Variants in SLC37A1 observed in about 807,000 individuals in gnomAD.
SLC37A1 encodes glucose-6-phosphate exchanger SLC37A1.
Under a neutral mutation model 75.3 loss-of-function variants are expected in SLC37A1, and 49 were observed. The observed-to-expected ratio is 0.65, with a 90% CI of 0.52 to 0.83. SLC37A1 has a LOEUF of 0.83. Among genes scored for constraint, SLC37A1 ranks in the 40% least tolerant of loss-of-function variants. The pLI, the probability that SLC37A1 is intolerant of heterozygous loss-of-function variation, is 0.00. For synonymous variants in SLC37A1, 268 were observed against 292.1 expected, an observed-to-expected ratio of 0.92 and a Z score of 0.84; for missense variants, 566 against 695.0, an observed-to-expected ratio of 0.81 and a Z score of 2.09.
chr21:42,570,811 A>T (rs2056141414), intron 17 of SLC37A1, among the ~76,000 whole-genome samples: 1 of 152,192 alleles, frequency 6.6e-6, no homozygotes, highest in Non-Finnish European at 1.5e-5. Context: ...GCGTCTGTGA[A>T]CAGAGGCCAC....
At chr21:42,542,354 TC>T in intron 6 of SLC37A1, 49 bp from the exon 7 acceptor site, 3 of 1,574,192 alleles carry the variant, frequency 1.9e-6, no homozygotes, top group South Asian at 2.3e-5. Flanking sequence ...TGCAGCGCTG[TC>T]CCGGGCCTGC....
intron 2 of SLC37A1, among the ~76,000 whole-genome samples, chr21:42,519,816 A>G (rs949704760): frequency 2.0e-5 from 3 of 152,236 alleles, no homozygotes; most frequent in Admixed American, 2.0e-4. Context: ...GTGAATGTCT[A>G]GCTTCTTCAT....
At chr21:42,563,105 G>T (rs991704520) in intron 12 of SLC37A1, among the ~76,000 whole-genome samples, 2 of 152,114 alleles carry the variant, frequency 1.3e-5, no homozygotes, top group Non-Finnish European at 2.9e-5. Context: ...AGGCAGCAAG[G>T]AGCACCCTTG....
intron 11 of SLC37A1, 68 bp downstream of exon 11, chr21:42,559,157 T>A: frequency 1.3e-6 from 2 of 1,553,898 alleles, no homozygotes; most frequent in Non-Finnish European, 1.7e-6. Flanking sequence ...GTCTGGTCGG[T>A]TGATGATTAA....
chr21:42,549,211 TAAG>T (rs1355828351), intron 9 of SLC37A1, among the ~76,000 whole-genome samples: 1 of 152,182 alleles, frequency 6.6e-6, no homozygotes, highest in Non-Finnish European at 1.5e-5. Context: ...TTCTGTCCTC[TAAG>T]AAGAGCTTTT....
intron 2 of SLC37A1, among the ~76,000 whole-genome samples, chr21:42,521,489 A>C (rs1360936157): frequency 6.6e-6 from 1 of 152,168 alleles, no homozygotes; most frequent in African/African-American, 2.4e-5. Context: ...TTTATTCCTT[A>C]TTTGCATGTG....
intron 5 of SLC37A1, among the ~76,000 whole-genome samples, chr21:42,537,310 C>T (rs1261629161): frequency 6.6e-6 from 1 of 152,158 alleles, no homozygotes; most frequent in Non-Finnish European, 1.5e-5. Context: ...GTACCTGGGG[C>T]TTCCTTAGCG....
Position 42,579,703 on chromosome 21 carries a change from G to A in SLC37A1, c.1522-33G>A. 3 of 1,613,622 alleles carry A rather than the reference G, an allele frequency of 1.9e-6. No individual in the cohort carries two copies. The South Asian group carries it at 3.3e-5, about 18-fold the overall frequency. On this transcript the variant is annotated intron_variant, in intron 18 of 19. Coordinates refer to ENST00000352133, the MANE Select transcript of SLC37A1 (RefSeq NM_001320537.2). ...CGCGGGCCGCCCTGTGCCTGCTCCAGTAACAGGTGGGCTCACCTTTGTTTT... is the reference window on the plus strand; with the variant it reads ...CGCGGGCCGCCCTGTGCCTGCTCCAATAACAGGTGGGCTCACCTTTGTTTT...
rs114662421 is a variant in SLC37A1, at chr21:42,504,851, A to G, written c.-179+2434A>G. Among the ~76,000 whole-genome samples the G allele has an allele frequency of 8.7e-3, 1,318 of 152,248 alleles. 27 individuals are homozygous for G. Among genetic ancestry groups the G allele is most frequent in the African/African-American group, 0.03 (1,248 of 41,532 alleles). ...CCGCTTTATTTCCTTATCTTAATGA[A>G]GGGCCCACTTGCTACCGGTTTACTA... On this transcript the variant is annotated intron_variant, in intron 2 of 20. Coordinates refer to the SLC37A1 transcript ENST00000398341.
chr21:42,533,319 G>A (rs887304531), intron 3 of SLC37A1, among the ~76,000 whole-genome samples: 4 of 152,114 alleles, frequency 2.6e-5, no homozygotes, highest in East Asian at 1.9e-4. Flanking sequence ...TTCACTTGCC[G>A]CCATCACTCA....
intron 3 of SLC37A1, among the ~76,000 whole-genome samples, chr21:42,530,290 T>C (rs2054914581): frequency 6.6e-6 from 1 of 152,202 alleles, no homozygotes; most frequent in Admixed American, 6.5e-5. Context: ...TCTATTTCTG[T>C]ATCCTTCATG....
intron 16 of SLC37A1, among the ~76,000 whole-genome samples, chr21:42,567,303 T>C (rs2056005633): frequency 6.6e-6 from 1 of 152,222 alleles, no homozygotes; most frequent in Admixed American, 6.5e-5. Context: ...GGCGCCATCC[T>C]CATGACTCAG....
At chr21:42,557,682 C>A (rs1383594682) in intron 10 of SLC37A1, among the ~76,000 whole-genome samples, 3 of 152,248 alleles carry the variant, frequency 2.0e-5, no homozygotes, top group Non-Finnish European at 4.4e-5. Context: ...GCACTCGGTG[C>A]CACCTGCCAC....
chr21:42,558,833 G>T, intron 10 of SLC37A1, 125 bp from the exon 11 acceptor site: 1 of 1,164,160 alleles, frequency 8.6e-7, no homozygotes, highest in Non-Finnish European at 1.2e-6. Flanking sequence ...CACCCAGGAT[G>T]TCTCCAAGGC....
chr21:42,524,408 G>A (rs1202735342), intron 2 of SLC37A1, among the ~76,000 whole-genome samples: 2 of 152,108 alleles, frequency 1.3e-5, no homozygotes, highest in African/African-American at 4.8e-5. Flanking sequence ...GACTCTTTCG[G>A]CTGCTTTTCT....
At chr21:42,559,198 C>T (rs939787570) in intron 11 of SLC37A1, 109 bp downstream of exon 11, 28 of 1,393,492 alleles carry the variant, frequency 2.0e-5, no homozygotes, top group South Asian at 5.9e-5. Flanking sequence ...TTGTAGAACC[C>T]GGGGATTCGA....
intron 6 of SLC37A1, among the ~76,000 whole-genome samples, chr21:42,540,479 A>G (rs2146871519): frequency 6.6e-6 from 1 of 152,230 alleles, no homozygotes; most frequent in African/African-American, 2.4e-5. Context: ...GGAAGGGCCG[A>G]CTTTGGAGTT....
chr21:42,504,344 G>A (rs1938478979), intron 2 of SLC37A1, among the ~76,000 whole-genome samples: 2 of 152,068 alleles, frequency 1.3e-5, no homozygotes, highest in African/African-American at 2.4e-5. Context: ...AAAACTCTCC[G>A]GAGTGAAGAG....
rs150808981 is a variant in SLC37A1 at position 42,520,538 on chromosome 21, G to T, written c.56+2028G>T. Among the ~76,000 whole-genome samples, 553 of 152,328 alleles carry T rather than the reference G, an allele frequency of 3.6e-3. 5 individuals are homozygous for T. The highest frequency in any genetic ancestry group is 8.3e-3 in the Admixed American group (127 of 15,296). ...TAATGGAGAAGGAGCTATAGGCATG[G>T]GAAGAGGGAGGGGAACTGGAAGGAA... On this transcript the variant is annotated intron_variant, in intron 2 of 19. Transcript: ENST00000352133.
Sources: gnomAD v4.1 joint callset for allele counts (sites outside exome capture counted in the v4.1 genomes callset) on GRCh38, gnomAD v4.1.1 for gene constraint, MANE v1.5 for transcripts, NCBI Gene and HGNC (gene_info 2026-07-23, HGNC 2026-07-21) for gene names.